MBNL1: variants seen among roughly 807,000 people sequenced by gnomAD.
The protein encoded by MBNL1 is muscleblind-like protein 1.
MBNL1 carries 8 observed loss-of-function variants against 42.2 expected under a neutral mutation model. The observed-to-expected ratio is 0.19, with a 90% confidence interval of 0.11 to 0.34. The LOEUF (loss-of-function observed/expected upper bound fraction) is 0.34, where lower values mean the gene tolerates loss of function less well. MBNL1 is among the 10% of genes least tolerant of loss of function. MBNL1 has a pLI of 1.00. For synonymous variants in MBNL1, 169 were observed against 173.9 expected (o/e 0.97, Z 0.22); for missense variants, 309 against 495.3 (o/e 0.62, Z 3.57).
Position 152,445,423 on chromosome 3 carries a change from C to T in MBNL1, c.691C>T (p.Arg231Trp), listed in dbSNP as rs1361852660. 6.2e-7 allele frequency: 1 copy of T among 1,613,702 alleles called. No individual in the cohort carries two copies. The highest frequency in any genetic ancestry group is 1.7e-5 in the Admixed American group (1 of 59,986). ...GGATTACATCAAAGGGAGATGCTCT[C>T]GGGAAAAGTGCAAATACTTTCATCC... ...CMDYIKGRCS[R>W]EKCKYFHPPA... Residue 231 changes from arginine (R) to tryptophan (W), a missense_variant, in exon 5 of 10, where the codon CGG becomes TGG. Coordinates refer to ENST00000324210, the MANE Select transcript of MBNL1 (RefSeq NM_021038.5).
At chr3:152,377,659 G>A (rs1040716813) in intron 2 of MBNL1, among the ~76,000 whole-genome samples, 6 of 152,090 alleles carry the variant, frequency 3.9e-5, no homozygotes, top group Non-Finnish European at 7.4e-5. Context: ...CATATTTGGA[G>A]GCCACATTCA....
chr3:152,415,166 G>C, intron 3 of MBNL1, 55 bp downstream of exon 3: 1 of 1,482,544 alleles, frequency 6.7e-7, no homozygotes, highest in South Asian at 1.4e-5. Context: ...GTGCTCAGTT[G>C]TAGTACTAAA....
chr3:152,253,715 A>T (rs1276341163), intron 2 of MBNL1, among the ~76,000 whole-genome samples: 5 of 152,004 alleles, frequency 3.3e-5, no homozygotes, highest in Non-Finnish European at 7.4e-5. Flanking sequence ...GATTTTCCAC[A>T]TGCCCTTCTC....
At chr3:152,438,056 G>T (rs931933968) in intron 4 of MBNL1, among the ~76,000 whole-genome samples, 1 of 152,170 alleles carries the variant, frequency 6.6e-6, no homozygotes, top group Non-Finnish European at 1.5e-5. Context: ...AGGAAAGACT[G>T]AGTGTTTTAG....
chr3:152,321,746 T>C (rs1311234020), intron 2 of MBNL1, among the ~76,000 whole-genome samples: 2 of 152,080 alleles, frequency 1.3e-5, no homozygotes, highest in Non-Finnish European at 2.9e-5. Flanking sequence ...AGGATTTTTT[T>C]TTCCTCAGTA....
intron 2 of MBNL1, among the ~76,000 whole-genome samples, chr3:152,314,783 CAA>C (rs2069577819): frequency 6.6e-6 from 1 of 152,150 alleles, no homozygotes; most frequent in Non-Finnish European, 1.5e-5. Flanking sequence ...AAGGGGGAAA[CAA>C]ACACCAAAAC....
At chr3:152,458,133 C>T in intron 8 of MBNL1, 1 of 1,613,840 alleles carries the variant, frequency 6.2e-7, no homozygotes, top group Non-Finnish European at 8.5e-7. Flanking sequence ...TCGACAGCCC[C>T]ATCCTTGATG....
intron 1 of MBNL1, among the ~76,000 whole-genome samples, chr3:152,272,928 T>C (rs867633199): frequency 4.6e-5 from 7 of 152,338 alleles, no homozygotes; most frequent in Middle Eastern, 3.4e-3. Flanking sequence ...CCATATAAAG[T>C]ATGCTTACTA....
chr3:152,354,634 T>C (rs958522377), intron 2 of MBNL1, among the ~76,000 whole-genome samples: 2 of 152,010 alleles, frequency 1.3e-5, no homozygotes, highest in African/African-American at 4.8e-5. Context: ...AATTTTACAA[T>C]TTTTACTATA....
chr3:152,374,111 A>G (rs2096795084), intron 2 of MBNL1, among the ~76,000 whole-genome samples: 1 of 152,216 alleles, frequency 6.6e-6, no homozygotes, highest in Non-Finnish European at 1.5e-5. Context: ...TTTCTTCTTT[A>G]GAAACATATA....
intron 3 of MBNL1, among the ~76,000 whole-genome samples, chr3:152,417,146 C>T (rs1161977311): frequency 6.6e-6 from 1 of 152,130 alleles, no homozygotes; most frequent in Non-Finnish European, 1.5e-5. Flanking sequence ...AGCTTTAGTA[C>T]AGGAAATTTG....
At chr3:152,442,908 A>G (rs563101880) in intron 4 of MBNL1, among the ~76,000 whole-genome samples, 2 of 152,216 alleles carry the variant, frequency 1.3e-5, no homozygotes. Context: ...GAATAATGTG[A>G]GAGTAGCTAT....
intron 1 of MBNL1, among the ~76,000 whole-genome samples, chr3:152,285,304 C>G (rs151249745): frequency 1.3e-5 from 2 of 152,246 alleles, no homozygotes; most frequent in Middle Eastern, 3.4e-3. Flanking sequence ...TAGCATGTAT[C>G]GTGTATCGTG....
At position 152,311,001 on chromosome 3, in the gene MBNL1, C is replaced by CTTTT. The variant is rs71144111; in HGVS notation, c.174+10656_174+10659dup. ...TTTTCTAATGCACAGAACCATGAGA[C>CTTTT]TTTTTTTTTTTTTTTTTTTTTTTTT... On this transcript the variant is annotated intron_variant, in intron 2 of 9. Transcript: ENST00000324210. Among the ~76,000 whole-genome samples the CTTTT allele has an allele frequency of 2.5e-3, 190 of 77,542 alleles. 3 individuals are homozygous for CTTTT. The highest frequency in any genetic ancestry group is 3.6e-3 in the African/African-American group (66 of 18,508). The allele number at this position is 77,542 out of a possible 152,430, so 50.9% of individuals were successfully genotyped here.
chr3:152,309,157 C>A (rs1014140846), intron 2 of MBNL1, among the ~76,000 whole-genome samples: 24 of 152,112 alleles, frequency 1.6e-4, no homozygotes, highest in Non-Finnish European at 2.9e-4. Context: ...CCTTCCCTCT[C>A]TCTCACACTA....
chr3:152,310,146 C>G (rs991412572), intron 2 of MBNL1, among the ~76,000 whole-genome samples: 8 of 152,272 alleles, frequency 5.3e-5, no homozygotes, highest in Middle Eastern at 3.4e-3. Context: ...ACTATACGTG[C>G]TTGTATTAGT....
At chr3:152,403,131 G>A (rs891310622) in intron 2 of MBNL1, among the ~76,000 whole-genome samples, 6 of 151,240 alleles carry the variant, frequency 4.0e-5, no homozygotes, top group Non-Finnish European at 4.4e-5. Context: ...TTGTTGGTGT[G>A]ATAGCAAGAA....
intron 2 of MBNL1, among the ~76,000 whole-genome samples, chr3:152,259,388 A>G (rs2035909099): frequency 6.6e-6 from 1 of 152,254 alleles, no homozygotes; most frequent in Admixed American, 6.5e-5. Context: ...AGGTTACCTT[A>G]TATCCAGAAA....
chr3:152,429,927 T>G (rs966617636), intron 3 of MBNL1, among the ~76,000 whole-genome samples: 8 of 152,180 alleles, frequency 5.3e-5, no homozygotes, highest in Non-Finnish European at 1.2e-4. Flanking sequence ...CAATTTGAGA[T>G]AGTGCTTGCT....
Sources: allele counts gnomAD v4.1 joint callset (sites outside exome capture counted in the v4.1 genomes callset), GRCh38; gene constraint gnomAD v4.1.1; transcripts MANE v1.5; gene names NCBI Gene and HGNC (gene_info 2026-07-23, HGNC 2026-07-21).